The following ZFP90 variants were observed in gnomAD, a reference collection of about 807,000 sequenced individuals.
ZFP90 encodes ZFP90 zinc finger protein.
ZFP90 carries 38 observed loss-of-function variants against 60.8 expected under a neutral mutation model. The observed-to-expected ratio is 0.62, with a 90% confidence interval of 0.48 to 0.82. ZFP90 has a LOEUF of 0.82. Among genes scored for constraint, ZFP90 ranks in the 40% least tolerant of loss-of-function variants. The probability of loss-of-function intolerance (pLI) is 0.00; values close to 1 mark genes in which losing one functional copy is unlikely to be tolerated. For missense variants in ZFP90, 711 were observed against 759.1 expected, an observed-to-expected ratio of 0.94 and a Z score of 0.74; for synonymous variants, 287 against 264.8, an observed-to-expected ratio of 1.08 and a Z score of -0.82.
chr16:68,558,826 A>G (rs1344625846), intron 4 of ZFP90, among the ~76,000 whole-genome samples: 1 of 152,088 alleles, frequency 6.6e-6, no homozygotes, highest in Non-Finnish European at 1.5e-5. Context: ...TTGAACTCCC[A>G]TATTTCTTCC....
At chr16:68,540,356 A>C (rs1229984445) in intron 2 of ZFP90, among the ~76,000 whole-genome samples, 1 of 152,134 alleles carries the variant, frequency 6.6e-6, no homozygotes, top group Admixed American at 6.5e-5. Flanking sequence ...AAATAAAACC[A>C]GGGCTGATTC....
In ZFP90 at chr16:68,565,136, A is replaced by G; in HGVS notation, c.*438A>G. The G allele has an allele frequency of 4.0e-6, 4 of 992,732 alleles. No homozygotes were observed. Among genetic ancestry groups the G allele is most frequent in the Non-Finnish European group, 4.8e-6 (4 of 834,626 alleles). 61.5% of individuals were successfully genotyped at this position (992,732 alleles called of 1,614,324 possible). ...AACTTCACCATGGAAACCAGTTCCA[A>G]CTCCAGGAAGTCACCATTCAAAGAA... On this transcript the variant is annotated 3_prime_UTR_variant, in exon 5 of 5. Transcript: ENST00000563169.
At chr16:68,548,741 C>T (rs563087771) in intron 2 of ZFP90, among the ~76,000 whole-genome samples, 4 of 152,220 alleles carry the variant, frequency 2.6e-5, no homozygotes, top group Admixed American at 6.5e-5. Flanking sequence ...TCGCCCGCCT[C>T]GGCCTCCCAA....
intron 2 of ZFP90, among the ~76,000 whole-genome samples, chr16:68,547,781 GA>G (rs2091176227): frequency 6.6e-6 from 1 of 151,304 alleles, no homozygotes; most frequent in African/African-American, 2.4e-5. Context: ...ATAATGCTGG[GA>G]TAAAATTCCA....
chr16:68,548,392 T>C (rs1041289698), intron 2 of ZFP90, among the ~76,000 whole-genome samples: 5 of 152,010 alleles, frequency 3.3e-5, no homozygotes, highest in Admixed American at 3.3e-4. Context: ...CATTGGTAGT[T>C]TAGAATTTAA....
At chr16:68,550,987 T>C (rs1289619498) in intron 2 of ZFP90, among the ~76,000 whole-genome samples, 1 of 152,194 alleles carries the variant, frequency 6.6e-6, no homozygotes, top group Non-Finnish European at 1.5e-5. Flanking sequence ...GATGTTCTTC[T>C]CTCTGTACAC....
chr16:68,568,901 A>G (rs759511194), downstream of ZFP90, among the ~76,000 whole-genome samples: 41 of 151,890 alleles, frequency 2.7e-4, no homozygotes, highest in Non-Finnish European at 5.1e-4. Flanking sequence ...CTGGTTTCGA[A>G]CTCCTGGCCT....
chr16:68,562,786 A>G (rs12929568), intron 4 of ZFP90: 530,085 of 695,158 alleles, frequency 0.76, 202,602 homozygotes, highest in East Asian at 0.81. Flanking sequence ...AGTCCTGCTC[A>G]CTTATTTCCT....
chr16:68,533,868 TTC>T (rs1478777120), intron 2 of ZFP90: 2 of 152,208 alleles, frequency 1.3e-5, no homozygotes, highest in Non-Finnish European at 2.9e-5. Flanking sequence ...AATCTGTTTT[TTC>T]TCTCTAGGAT....
chr16:68,564,282 T>G lies in ZFP90; in HGVS notation c.1495T>G (p.Cys499Gly). Residue 499 changes from cysteine (C) to glycine (G), a missense_variant, in exon 5 of 5, where the codon TGT becomes GGT. Physicochemically the swap from Cys to Gly is radical, Grantham distance 159 (BLOSUM62 -3). Coordinates refer to ENST00000563169, the MANE Select transcript of ZFP90 (RefSeq NM_001305203.2). ...ISHPGEKPYQ[C>G]NVCGKAFKRS... ...TCATCCTGGAGAGAAACCCTATCAATGTAATGTATGTGGGAAAGCTTTCAA... is the reference window on the plus strand; with the variant it reads ...TCATCCTGGAGAGAAACCCTATCAAGGTAATGTATGTGGGAAAGCTTTCAA... 6.2e-7 allele frequency: 1 copy of G among 1,614,052 alleles called. No homozygotes were observed. Among genetic ancestry groups the G allele is most frequent in the Non-Finnish European group, 8.5e-7 (1 of 1,179,980 alleles).
In ZFP90 at chr16:68,566,851, T is replaced by G. The variant is rs1038352174; in HGVS notation, c.*2153T>G. On this transcript the variant is annotated 3_prime_UTR_variant, in exon 5 of 5. Coordinates refer to ENST00000563169, the MANE Select transcript of ZFP90 (RefSeq NM_001305203.2). Reference sequence around the variant, plus strand: ...GTAACCAACTGAGTGCTGCCCCCACTGTTACGGAAGTTTATAAAACCTTAG... The same window carrying G: ...GTAACCAACTGAGTGCTGCCCCCACGGTTACGGAAGTTTATAAAACCTTAG... 1.0e-6 allele frequency: 1 copy of G among 985,482 alleles called. No individual in the cohort carries two copies. The highest frequency in any genetic ancestry group is 1.2e-6 in the Non-Finnish European group (1 of 829,968). The allele number at this position is 985,482 out of a possible 1,614,324, so 61.0% of individuals were successfully genotyped here. A position where few individuals can be genotyped will look rare whatever the true frequency, so the allele number is the denominator to read the frequency against.
At chr16:68,567,870 A>G, downstream of ZFP90, among the ~76,000 whole-genome samples, 1 of 152,192 alleles carries the variant, frequency 6.6e-6, no homozygotes, top group East Asian at 1.9e-4. Flanking sequence ...TTTTAGGCAT[A>G]TTGATGGTGG....
chr16:68,533,594 C>A (rs1294810582), intron 1 of ZFP90: 1 of 152,030 alleles, frequency 6.6e-6, no homozygotes, highest in Non-Finnish European at 1.5e-5. Context: ...TTTTGTTTTT[C>A]CAAAAATCCC....
chr16:68,571,375 AAAT>A (rs2091566822), downstream of ZFP90, among the ~76,000 whole-genome samples: 1 of 152,252 alleles, frequency 6.6e-6, no homozygotes, highest in Admixed American at 6.5e-5. Context: ...TAATAATAGT[AAAT>A]AATAAAATTT....
chr16:68,539,715 C>CGGTGTT lies in ZFP90; in HGVS notation c.-35-41_-35-36dup, dbSNP rs991342672. 3 of 1,429,620 alleles carry CGGTGTT rather than the reference C, an allele frequency of 2.1e-6. No homozygotes were observed. The African/African-American group carries it at 4.3e-5, about 20-fold the overall frequency. 88.6% of individuals were successfully genotyped at this position (1,429,620 alleles called of 1,614,324 possible). A position where few individuals can be genotyped will look rare whatever the true frequency, so the allele number is the denominator to read the frequency against. ...GGGGCGGGGCGGGGCGGGGTGGGGT[C>CGGTGTT]GGTGTTGCAGCGGGGTGAGTGGGCC... is the stretch of plus-strand genomic sequence containing the variant. On this transcript the variant is annotated intron_variant, in intron 1 of 4. Transcript: ENST00000563169.
downstream of ZFP90, among the ~76,000 whole-genome samples, chr16:68,571,722 A>C (rs1262070497): frequency 4.6e-5 from 7 of 152,202 alleles, no homozygotes; most frequent in Non-Finnish European, 1.0e-4. Context: ...TGAGGCCAGG[A>C]GTCGAGACCA....
At chr16:68,553,435 G>A (rs2091292305) in intron 2 of ZFP90, among the ~76,000 whole-genome samples, 1 of 152,106 alleles carries the variant, frequency 6.6e-6, no homozygotes, top group Non-Finnish European at 1.5e-5. Context: ...TCAGAAGGAG[G>A]GTGGGGTGGG....
downstream of ZFP90, among the ~76,000 whole-genome samples, chr16:68,571,757 A>G (rs2091569416): frequency 6.6e-6 from 1 of 152,042 alleles, no homozygotes. Flanking sequence ...GTGAGACCTC[A>G]TCTCAACAAA....
At position 68,563,559 on chromosome 16, in the gene ZFP90, G is replaced by A. The variant is rs748244751; in HGVS notation, c.772G>A (p.Asp258Asn). The change falls in exon 5 of 5, where the codon GAC becomes AAC. Residue 258 changes from aspartate to asparagine, a missense_variant. Asp to Asn is a conservative substitution (Grantham distance 23, BLOSUM62 1). This residue lies in a region of ZFP90 where 146 missense variants were observed against 201.4 expected (regional missense o/e 0.73). Coordinates refer to ENST00000563169, the MANE Select transcript of ZFP90 (RefSeq NM_001305203.2). ...TGGAAAGAAACACCATGAATGTACC[G>A]ACTGTGGGAAAACCTTTCTCTGGAA... is the stretch of plus-strand genomic sequence containing the variant. ...YPGKKHHECT[D>N]CGKTFLWKTQ... 48 of 1,614,046 alleles carry A rather than the reference G, an allele frequency of 3.0e-5. No individual in the cohort carries two copies. The highest frequency in any genetic ancestry group is 6.7e-5 in the Admixed American group (4 of 59,996).
Sources: allele counts gnomAD v4.1 joint callset (sites outside exome capture counted in the v4.1 genomes callset), GRCh38; gene constraint gnomAD v4.1.1; regional missense constraint gnomAD v4.1.1; transcripts MANE v1.5; gene names NCBI Gene and HGNC (gene_info 2026-07-23, HGNC 2026-07-21).